The following MYB variants were observed in gnomAD, a reference collection of about 807,000 sequenced individuals.
MYB encodes transcriptional activator Myb.
In MYB, 28 loss-of-function variants were observed where a neutral mutation model predicts 92.9. That is an observed-to-expected ratio of 0.30 (90% CI 0.22 to 0.41). The LOEUF (loss-of-function observed/expected upper bound fraction) is 0.41, where lower values mean the gene tolerates loss of function less well. Among genes scored for constraint, MYB ranks in the 10% least tolerant of loss-of-function variants. The pLI is 1.00. For missense variants in MYB, 679 were observed against 929.3 expected (o/e 0.73, Z 3.50); for synonymous variants, 295 against 329.1 (o/e 0.90, Z 1.12).
chr6:135,185,290 CT>C (rs1775765664), intron 1 of MYB, among the ~76,000 whole-genome samples: 1 of 152,170 alleles, frequency 6.6e-6, no homozygotes, highest in Non-Finnish European at 1.5e-5. Context: ...AACATTAAAG[CT>C]TGATCACTCA....
chr6:135,190,254 C>T lies in MYB; in HGVS notation c.434C>T (p.Thr145Ile). 2 of 1,614,044 alleles carry T rather than the reference C, an allele frequency of 1.2e-6. No individual in the cohort carries two copies. Among genetic ancestry groups the T allele is most frequent in the Non-Finnish European group, 1.7e-6 (2 of 1,179,946 alleles). The part of the protein sequence containing the change: ...HNHLNPEVKK[T>I]SWTEEEDRII... ...CACTTGAATCCAGAAGTTAAGAAAA[C>T]CTCCTGGACAGAAGAGGAAGACAGA... is the stretch of plus-strand genomic sequence containing the variant. The change falls in exon 5 of 16, where the codon ACC (threonine) becomes ATC (isoleucine). Residue 145 changes from threonine (T) to isoleucine (I), a missense_variant. By Grantham distance (89) the Thr-to-Ile change is moderately conservative. Transcript: ENST00000341911. This position sits in a 1 kb window ranked among gnomAD's most constrained non-coding sequence, Gnocchi z 4.5.
intron 15 of MYB, among the ~76,000 whole-genome samples, chr6:135,217,418 T>G (rs888032459): frequency 3.3e-5 from 5 of 152,142 alleles, no homozygotes; most frequent in Admixed American, 1.3e-4. Flanking sequence ...ATTTCTAAAG[T>G]AATTGATGAA....
At chr6:135,185,236 C>A (rs1044503465) in intron 1 of MYB, among the ~76,000 whole-genome samples, 6 of 152,172 alleles carry the variant, frequency 3.9e-5, no homozygotes, top group Admixed American at 6.5e-5. Flanking sequence ...TTGGATCAAC[C>A]AGGCCTGGAG....
rs750002103 is a variant in MYB, at chr6:135,196,951, A to C, written c.1204-10A>C. ...TATCTCAAAGTTCTGTGCCTCCCAC[A>C]TTGTTTCAGGATTCTTCATCATGGT... On this transcript the variant is annotated splice_polypyrimidine_tract_variant and intron_variant, in intron 9 of 15. Transcript: ENST00000341911. 6.2e-7 allele frequency: 1 copy of C among 1,608,296 alleles called. No homozygotes were observed.
chr6:135,198,477 T>C (rs953956418), intron 10 of MYB, among the ~76,000 whole-genome samples: 3 of 152,248 alleles, frequency 2.0e-5, no homozygotes, highest in South Asian at 2.1e-4. Context: ...GAATTTTCCA[T>C]ATAATGTAAA....
At chr6:135,187,225 C>G (rs1470213460) in intron 2 of MYB, among the ~76,000 whole-genome samples, 1 of 152,206 alleles carries the variant, frequency 6.6e-6, no homozygotes, top group Non-Finnish European at 1.5e-5. Flanking sequence ...TATGTTCTAA[C>G]ACATCTGGCC....
intron 15 of MYB, among the ~76,000 whole-genome samples, chr6:135,209,101 T>G (rs1049263676): frequency 1.3e-5 from 2 of 152,210 alleles, no homozygotes; most frequent in African/African-American, 4.8e-5. Flanking sequence ...CCACATTTCC[T>G]TACTCTCTTA....
Position 135,181,568 on chromosome 6 carries a change from G to T in MYB, c.23+32G>T, listed in dbSNP as rs1775033272. 1 of 1,118,688 alleles carries T rather than the reference G, an allele frequency of 8.9e-7. No homozygotes were observed. The allele number at this position is 1,118,688 out of a possible 1,614,324, so 69.3% of individuals were successfully genotyped here. ...GGGAGCCGGGCGGGCGGCCGAGGGC[G>T]GGGGCGCGCGGGGGCGCGCGGGGCG... On this transcript the variant is annotated intron_variant, in intron 1 of 15. Coordinates refer to ENST00000341911, the MANE Select transcript of MYB (RefSeq NM_001130173.2). This position sits in a 1 kb window ranked among gnomAD's most constrained non-coding sequence, Gnocchi z 5.3.
Position 135,190,397 on chromosome 6 carries a change from T to A in MYB, c.527+50T>A. 1 of 1,383,628 alleles carries A rather than the reference T, an allele frequency of 7.2e-7. No individual in the cohort carries two copies. Among genetic ancestry groups the A allele is most frequent in the Non-Finnish European group, 1.0e-6 (1 of 979,734 alleles). 85.7% of individuals were successfully genotyped at this position (1,383,628 alleles called of 1,614,324 possible). Reference sequence around the variant, plus strand: ...TGATCGGGAAGAATGAGGGAGTGGGTATTGAACATTCTGCTTTAAATGTAT... The same window carrying A: ...TGATCGGGAAGAATGAGGGAGTGGGAATTGAACATTCTGCTTTAAATGTAT... On this transcript the variant is annotated intron_variant, in intron 5 of 15. Transcript: ENST00000341911. The surrounding 1 kb of genome is among the most constrained non-coding windows in gnomAD (Gnocchi z 4.5).
At position 135,210,686 on chromosome 6, in the gene MYB, T is replaced by C. The variant is rs1779587283; in HGVS notation, c.2170-7178T>C. Among the ~76,000 whole-genome samples the C allele has an allele frequency of 2.0e-5, 3 of 152,250 alleles. No individual in the cohort carries two copies. In the South Asian group the frequency reaches 6.2e-4, roughly 31 times the overall value. ...CTGTTTTCAAACGGCATGACTTTAA[T>C]TCATCAAGTGAACACAATTAAGCAA... On this transcript the variant is annotated intron_variant, in intron 15 of 15. Coordinates refer to ENST00000341911, the MANE Select transcript of MYB (RefSeq NM_001130173.2).
chr6:135,183,943 AG>A (rs1331622362), intron 1 of MYB, among the ~76,000 whole-genome samples: 1 of 152,204 alleles, frequency 6.6e-6, no homozygotes, highest in East Asian at 1.9e-4. Context: ...GATTTGTCCA[AG>A]TCATACAGCT....
chr6:135,217,606 G>A (rs573860659), intron 15 of MYB, among the ~76,000 whole-genome samples: 3 of 152,226 alleles, frequency 2.0e-5, no homozygotes, highest in South Asian at 2.1e-4. Context: ...CCTAATAGAC[G>A]GAAGGCATTA....
intron 6 of MYB, among the ~76,000 whole-genome samples, chr6:135,193,243 C>T (rs766740724): frequency 2.8e-4 from 42 of 152,114 alleles, no homozygotes; most frequent in African/African-American, 9.4e-4. Context: ...GGAAAAAAAT[C>T]GAGAAACTTT....
chr6:135,206,556 C>T (rs1262171293), intron 15 of MYB, among the ~76,000 whole-genome samples: 3 of 150,904 alleles, frequency 2.0e-5, no homozygotes, highest in Non-Finnish European at 3.0e-5. Flanking sequence ...AATAGCCAGG[C>T]GTGGTGGTGC....
chr6:135,195,615 G>GTT, intron 8 of MYB, 133 bp from the exon 9 acceptor site: 1 of 967,532 alleles, frequency 1.0e-6, no homozygotes, highest in Non-Finnish European at 1.6e-6. Context: ...TTTCATAGGC[G>GTT]TAAGTTTGGG....
At chr6:135,206,205 C>CAAAAAA (rs67836018) in intron 15 of MYB, among the ~76,000 whole-genome samples, 120 of 87,316 alleles carry the variant, frequency 1.4e-3, no homozygotes, top group South Asian at 2.1e-3. Context: ...GACTCCATCT[C>CAAAAAA]AAAAAAAAAA....
chr6:135,213,143 C>T (rs964236253), intron 15 of MYB, among the ~76,000 whole-genome samples: 7 of 152,302 alleles, frequency 4.6e-5, no homozygotes, highest in South Asian at 2.1e-4. Context: ...CAGTGGTTCT[C>T]GTACATGGTG....
intron 5 of MYB, among the ~76,000 whole-genome samples, chr6:135,191,731 G>A (rs1776650551): frequency 6.6e-6 from 1 of 152,194 alleles, no homozygotes; most frequent in Admixed American, 6.5e-5. Flanking sequence ...ATATACTGGG[G>A]GTTAGGATCT....
intron 7 of MYB, 52 bp downstream of exon 7, chr6:135,193,970 A>T: frequency 7.2e-7 from 1 of 1,393,472 alleles, no homozygotes; most frequent in Non-Finnish European, 1.0e-6. Flanking sequence ...AGAAATGCTT[A>T]TTTCTTTCAT....
Sources: allele counts gnomAD v4.1 joint callset (sites outside exome capture counted in the v4.1 genomes callset), GRCh38; gene constraint gnomAD v4.1.1; non-coding constraint Gnocchi (gnomAD v3.1); transcripts MANE v1.5; gene names NCBI Gene and HGNC (gene_info 2026-07-23, HGNC 2026-07-21).